ZNF707: variants seen among roughly 807,000 people sequenced by gnomAD.
ZNF707 encodes zinc finger protein 707.
A neutral mutation model predicts 13.3 loss-of-function variants in ZNF707; 8 were observed. The observed-to-expected ratio is 0.60, with a 90% CI of 0.35 to 1.09. The LOEUF (loss-of-function observed/expected upper bound fraction) is 1.09, where lower values mean the gene tolerates loss of function less well. Ranked by LOEUF, ZNF707 falls within the 50% of genes least tolerant of loss-of-function variation. ZNF707 has a pLI of 0.02. For synonymous variants in ZNF707, 225 were observed against 205.6 expected, an observed-to-expected ratio of 1.09 and a Z score of -0.81; for missense variants, 530 against 512.6, an observed-to-expected ratio of 1.03 and a Z score of -0.33.
rs1305763125 is a variant in ZNF707, at chr8:143,692,005, C to A, written c.256+292C>A. 2.1e-6 allele frequency: 3 copies of A among 1,454,076 alleles called. No individual in the cohort carries two copies. The African/African-American group carries it at 4.2e-5, about 20-fold the overall frequency. The allele number at this position is 1,454,076 out of a possible 1,614,324, so 90.1% of individuals were successfully genotyped here. A position where few individuals can be genotyped will look rare whatever the true frequency, so the allele number is the denominator to read the frequency against. On this transcript the variant is annotated intron_variant, in intron 5 of 5. Transcript: ENST00000358656. ...ACACTTGAAGCCTGCACCTAGCCAC[C>A]CAGGTGCTGTCCGGCGGAGGCCATT...
intron 1 of ZNF707, chr8:143,687,097 C>G (rs111580460): frequency 6.6e-6 from 1 of 151,942 alleles, no homozygotes; most frequent in Non-Finnish European, 1.5e-5. Flanking sequence ...TCTCAAACTC[C>G]GTACCTCAGG....
Position 143,693,741 on chromosome 8 carries a change from G to GCCGC in ZNF707, c.328_329insCGCC (p.Arg110ProfsTer13). The stretch of plus-strand genomic sequence containing the variant: ...CTTGGGCTCACAAGAAAACCCACGT[G>GCCGC]CGGCGAGAAAGAGCCAGGGAAGGAA... On this transcript the variant is annotated frameshift_variant, in exon 6 of 6. Coordinates refer to ENST00000358656, the MANE Select transcript of ZNF707 (RefSeq NM_001100598.2). LOFTEE classifies it low-confidence loss of function (END_TRUNC). This position sits in a 1 kb window ranked among gnomAD's most constrained non-coding sequence, Gnocchi z 4.1. 2 of 1,612,946 alleles carry GCCGC rather than the reference G, an allele frequency of 1.2e-6. No homozygotes were observed. Among genetic ancestry groups the GCCGC allele is most frequent in the Non-Finnish European group, 1.7e-6 (2 of 1,179,714 alleles).
rs1817037144 is a variant in ZNF707 at position 143,693,561 on chromosome 8, C to T, written c.257-110C>T. The T allele has an allele frequency of 3.1e-6, 4 of 1,297,002 alleles. No homozygotes were observed. Among genetic ancestry groups the T allele is most frequent in the Non-Finnish European group, 4.1e-6 (4 of 980,166 alleles). The allele number at this position is 1,297,002 out of a possible 1,614,324, so 80.3% of individuals were successfully genotyped here. ...CCACCCGCCTCGGCCTCCCAAAGTG[C>T]TGGGATTACAGGCGTGAGCCACCGC... On this transcript the variant is annotated intron_variant, in intron 5 of 5. Coordinates refer to ENST00000358656, the MANE Select transcript of ZNF707 (RefSeq NM_001100598.2). This position sits in a 1 kb window ranked among gnomAD's most constrained non-coding sequence, Gnocchi z 4.1.
rs782172891 is a variant in ZNF707 at position 143,694,203 on chromosome 8, C to T, written c.789C>T (p.Gly263=). The change falls in exon 6 of 6, where the codon GGC becomes GGT. Residue 263 remains glycine, a synonymous_variant. Transcript: ENST00000358656. The surrounding 1 kb of genome is among the most constrained non-coding windows in gnomAD (Gnocchi z 4.4). The part of the protein sequence containing the change: ...VHTEHRPYSC[G]DCGKAFKQKS... ...CCGAGCACAGGCCCTACTCGTGTGG[C>T]GACTGTGGGAAAGCCTTCAAGCAGA... The T allele has an allele frequency of 6.3e-6, 10 of 1,574,884 alleles. No individual in the cohort carries two copies. In the East Asian group the frequency reaches 9.1e-5, roughly 14 times the overall value.
At position 143,694,330 on chromosome 8, in the gene ZNF707, C is replaced by T; in HGVS notation, c.916C>T (p.His306Tyr). 1 of 1,606,066 alleles carries T rather than the reference C, an allele frequency of 6.2e-7. No individual in the cohort carries two copies. The highest frequency in any genetic ancestry group is 8.5e-7 in the Non-Finnish European group (1 of 1,175,080). Residue 306 changes from histidine to tyrosine, a missense_variant, in exon 6 of 6, where the codon CAC (histidine) becomes TAC (tyrosine). Coordinates refer to ENST00000358656, the MANE Select transcript of ZNF707 (RefSeq NM_001100598.2). This position sits in a 1 kb window ranked among gnomAD's most constrained non-coding sequence, Gnocchi z 4.4. ...AFRTKENLSH[H>Y]QRVHSGEKPY... ...CCGGACCAAGGAGAACCTCAGCCAC[C>T]ACCAGAGGGTCCACAGCGGGGAGAA...
chr8:143,694,630 A>T lies in ZNF707; in HGVS notation c.*100A>T. The T allele has an allele frequency of 7.5e-7, 1 of 1,332,354 alleles. No homozygotes were observed. Among genetic ancestry groups the T allele is most frequent in the Non-Finnish European group, 1.0e-6 (1 of 1,002,528 alleles). The allele number at this position is 1,332,354 out of a possible 1,614,324, so 82.5% of individuals were successfully genotyped here. A position where few individuals can be genotyped will look rare whatever the true frequency, so the allele number is the denominator to read the frequency against. On this transcript the variant is annotated 3_prime_UTR_variant, in exon 6 of 6. Transcript: ENST00000358656. The surrounding 1 kb of genome is among the most constrained non-coding windows in gnomAD (Gnocchi z 4.4). Reference sequence around the variant, plus strand: ...CTCTTCAGCCTGGAAAATCAACCTGAATTCAGAGAAGCCTTCTTAGTCCTC... The same window carrying T: ...CTCTTCAGCCTGGAAAATCAACCTGTATTCAGAGAAGCCTTCTTAGTCCTC...
chr8:143,690,989 C>A, intron 3 of ZNF707, 84 bp from the exon 4 acceptor site: 3 of 1,545,666 alleles, frequency 1.9e-6, no homozygotes, highest in South Asian at 1.2e-5. Context: ...CAGGGCCACT[C>A]CCATTCCCCC....
chr8:143,688,413 C>T (rs1219021013), intron 1 of ZNF707, among the ~76,000 whole-genome samples: 4 of 152,002 alleles, frequency 2.6e-5, no homozygotes, highest in African/African-American at 9.7e-5. Context: ...GGGTGAACGC[C>T]GAGGGAGCCG....
intron 1 of ZNF707, chr8:143,687,585 C>T (rs1816406681): frequency 6.6e-6 from 1 of 152,346 alleles, no homozygotes; most frequent in African/African-American, 2.4e-5. Context: ...ATCCACCCGC[C>T]TCAGCCTCCC....
chr8:143,689,515 G>A (rs1816604314), intron 2 of ZNF707, among the ~76,000 whole-genome samples: 1 of 152,180 alleles, frequency 6.6e-6, no homozygotes, highest in Non-Finnish European at 1.5e-5. Context: ...AAGGTTTAGG[G>A]GATCTTGTGG....
chr8:143,691,008 C>A, intron 3 of ZNF707, 65 bp from the exon 4 acceptor site: 2 of 1,597,018 alleles, frequency 1.3e-6, no homozygotes, highest in Admixed American at 3.4e-5. Context: ...CCTTCCCACC[C>A]AGACCTGTGG....
intron 5 of ZNF707, 102 bp downstream of exon 5, chr8:143,691,815 A>C: frequency 9.1e-7 from 1 of 1,094,458 alleles, no homozygotes; most frequent in Non-Finnish European, 1.3e-6. Flanking sequence ...TGTCCTTCCC[A>C]TGGGAGAGCA....
chr8:143,690,197 G>T, intron 3 of ZNF707, 74 bp downstream of exon 3: 1 of 1,577,322 alleles, frequency 6.3e-7, no homozygotes, highest in Non-Finnish European at 8.6e-7. Flanking sequence ...ACACACGCGG[G>T]GAGGGTCTGT....
In ZNF707 at chr8:143,684,483, A is replaced by C. The variant is rs1554611430; in HGVS notation, c.-210A>C. On this transcript the variant is annotated 5_prime_UTR_variant, in exon 1 of 6. Transcript: ENST00000358656. ...CAACTTCCGCTCGGGAAGTTTGTAA[A>C]AGTCTGGGCTACCGGCGCGGCGTAG... The C allele has an allele frequency of 6.6e-6, 1 of 151,886 alleles. No homozygotes were observed. Among genetic ancestry groups the C allele is most frequent in the Non-Finnish European group, 1.5e-5 (1 of 68,038 alleles). The allele number at this position is 151,886 out of a possible 1,614,324, so 9.4% of individuals were successfully genotyped here.
At chr8:143,685,397 G>A (rs1554611670) in intron 1 of ZNF707, among the ~76,000 whole-genome samples, 1 of 152,042 alleles carries the variant, frequency 6.6e-6, no homozygotes, top group African/African-American at 2.4e-5. Context: ...GGTGGTGCAC[G>A]CCTGTAATCC....
At chr8:143,689,588 G>A (rs1172919455) in intron 2 of ZNF707, among the ~76,000 whole-genome samples, 1 of 152,208 alleles carries the variant, frequency 6.6e-6, no homozygotes, top group Non-Finnish European at 1.5e-5. Flanking sequence ...GTTTTCACTT[G>A]GGGGAAGGCT....
In ZNF707 at chr8:143,693,742, C is replaced by G; in HGVS notation, c.328C>G (p.Arg110Gly). ...PAWAHKKTHV[R>G]RERAREGSSF... ...TTGGGCTCACAAGAAAACCCACGTG[C>G]GGCGAGAAAGAGCCAGGGAAGGAAG... Residue 110 changes from arginine (R) to glycine (G), a missense_variant, in exon 6 of 6, where the codon CGG (arginine) becomes GGG (glycine). By Grantham distance (125) the Arg-to-Gly change is moderately radical. Transcript: ENST00000358656. This position sits in a 1 kb window ranked among gnomAD's most constrained non-coding sequence, Gnocchi z 4.1. The G allele has an allele frequency of 2.5e-6, 4 of 1,612,726 alleles. No individual in the cohort carries two copies. Among genetic ancestry groups the G allele is most frequent in the East Asian group, 2.2e-5 (1 of 44,862 alleles).
chr8:143,691,317 G>T, intron 4 of ZNF707, 118 bp downstream of exon 4: 1 of 1,447,182 alleles, frequency 6.9e-7, no homozygotes, highest in Non-Finnish European at 9.1e-7. Context: ...GGGGGCTCAG[G>T]AGCTAGAAGT....
rs1817177468 is a variant in ZNF707, at chr8:143,694,644, T to G, written c.*114T>G. 2 of 1,239,022 alleles carry G rather than the reference T, an allele frequency of 1.6e-6. No homozygotes were observed. Among genetic ancestry groups the G allele is most frequent in the Non-Finnish European group, 1.1e-6 (1 of 920,748 alleles). 76.8% of individuals were successfully genotyped at this position (1,239,022 alleles called of 1,614,324 possible). ...AAATCAACCTGAATTCAGAGAAGCC[T>G]TCTTAGTCCTCAGAGCTCCCCAGTC... On this transcript the variant is annotated 3_prime_UTR_variant, in exon 6 of 6. Transcript: ENST00000358656. The surrounding 1 kb of genome is among the most constrained non-coding windows in gnomAD (Gnocchi z 4.4).
Sources: gnomAD v4.1 joint callset for allele counts (sites outside exome capture counted in the v4.1 genomes callset) on GRCh38, gnomAD v4.1.1 for gene constraint, Gnocchi (gnomAD v3.1) non-coding constraint, MANE v1.5 for transcripts, NCBI Gene and HGNC (gene_info 2026-07-23, HGNC 2026-07-21) for gene names.